Variants in DNAH8 observed in about 807,000 individuals in gnomAD.
The protein encoded by DNAH8 is axonemal beta dynein heavy chain 8.
A neutral mutation model predicts 562.1 loss-of-function variants in DNAH8; 382 were observed. The ratio of observed to expected loss-of-function variants is 0.68; its 90% CI spans 0.63 to 0.74. DNAH8 has a LOEUF of 0.74. DNAH8 is among the 30% of genes least tolerant of loss of function. DNAH8 has a pLI of 0.00. For synonymous variants in DNAH8, 1,881 were observed against 1,919.4 expected, an observed-to-expected ratio of 0.98 and a Z score of 0.52; for missense variants, 5,203 against 5,620.4, an observed-to-expected ratio of 0.93 and a Z score of 2.37.
At chr6:38,971,827 G>T (rs893535516) in intron 83 of DNAH8, 162 bp downstream of exon 83, 4 of 468,240 alleles carry the variant, frequency 8.5e-6, no homozygotes, top group African/African-American at 2.0e-5. Context: ...CCTGATATTC[G>T]CATGGAAAGC....
intron 40 of DNAH8, among the ~76,000 whole-genome samples, 188 bp downstream of exon 40, chr6:38,852,986 T>C (rs950722807): frequency 6.6e-6 from 1 of 152,186 alleles, no homozygotes; most frequent in Admixed American, 6.5e-5. Flanking sequence ...ATTTATGAAG[T>C]GAAAGTTTTG....
At chr6:38,857,085 C>T (rs1583197079) in intron 41 of DNAH8, among the ~76,000 whole-genome samples, 1 of 152,056 alleles carries the variant, frequency 6.6e-6, no homozygotes, top group African/African-American at 2.4e-5. Flanking sequence ...ACGTGGATAT[C>T]AGAGAGAGGG....
intron 57 of DNAH8, among the ~76,000 whole-genome samples, chr6:38,890,386 G>A (rs922203709): frequency 6.6e-6 from 1 of 152,140 alleles, no homozygotes; most frequent in African/African-American, 2.4e-5. Context: ...GTTAAAATGG[G>A]ACTAGTAATA....
At chr6:38,830,386 G>T (rs1438014158) in intron 30 of DNAH8, among the ~76,000 whole-genome samples, 1 of 151,944 alleles carries the variant, frequency 6.6e-6, no homozygotes, top group Non-Finnish European at 1.5e-5. Context: ...TGTAATCCCA[G>T]CACTTTGGGA....
At chr6:38,782,928 T>G in intron 16 of DNAH8, 76 bp from the exon 17 acceptor site, 1 of 1,315,938 alleles carries the variant, frequency 7.6e-7, no homozygotes, top group South Asian at 1.3e-5. Context: ...TCATTTTACA[T>G]ATAAGTACTT....
chr6:38,826,343 C>T lies in DNAH8; in HGVS notation c.4035C>T (p.Cys1345=), dbSNP rs781714627. ...DVRFAMEALS[C]IRDNEIQMDM... ...GATTTGCAATGGAAGCCTTGTCTTG[C>T]ATACGTGATAATGAAATTCAAATGG... The change falls in exon 29 of 93, where the codon TGC becomes TGT. Residue 1345 remains cysteine (C), a synonymous_variant. Coordinates refer to ENST00000327475, the MANE Select transcript of DNAH8 (RefSeq NM_001206927.2). 1 of 1,612,406 alleles carries T rather than the reference C, an allele frequency of 6.2e-7. No individual in the cohort carries two copies. The highest frequency in any genetic ancestry group is 8.5e-7 in the Non-Finnish European group (1 of 1,179,306).
At chr6:38,828,517 C>G (rs1221593653) in intron 30 of DNAH8, among the ~76,000 whole-genome samples, 1 of 152,134 alleles carries the variant, frequency 6.6e-6, no homozygotes, top group Non-Finnish European at 1.5e-5. Context: ...CTAGAATTGC[C>G]TTCAGCATTC....
At chr6:38,747,384 CTTTTTTTTTT>C (rs55729629) in intron 8 of DNAH8, among the ~76,000 whole-genome samples, 12 of 113,762 alleles carry the variant, frequency 1.1e-4, no homozygotes, top group African/African-American at 3.6e-4. Flanking sequence ...TTTTCTTTTT[CTTTTTTTTTT>C]TTTTTTTTTT....
chr6:38,960,035 A>C (rs1435201683), intron 82 of DNAH8, among the ~76,000 whole-genome samples: 1 of 152,102 alleles, frequency 6.6e-6, no homozygotes, highest in East Asian at 1.9e-4. Context: ...CTTTTCAATA[A>C]ATGGTGTTGG....
intron 16 of DNAH8, among the ~76,000 whole-genome samples, chr6:38,782,604 T>G (rs1768742893): frequency 6.6e-6 from 1 of 152,232 alleles, no homozygotes. Context: ...TTTTATCGTT[T>G]GATACATGGT....
intron 42 of DNAH8, among the ~76,000 whole-genome samples, chr6:38,858,463 A>G (rs952434794): frequency 3.9e-5 from 6 of 152,152 alleles, no homozygotes; most frequent in African/African-American, 1.2e-4. Context: ...GTTTGTATTT[A>G]TTGAAGATTA....
chr6:38,890,678 C>G lies in DNAH8; in HGVS notation c.8500C>G (p.Pro2834Ala). The G allele has an allele frequency of 6.2e-7, 1 of 1,612,958 alleles. No individual in the cohort carries two copies. The highest frequency in any genetic ancestry group is 2.2e-5 in the East Asian group (1 of 44,840). Residue 2834 changes from proline (P) to alanine (A), a missense_variant, in exon 58 of 93, where the codon CCT (proline) becomes GCT (alanine). This residue lies in a region of DNAH8 where 977 missense variants were observed against 1,061.8 expected (regional missense o/e 0.92). Coordinates refer to ENST00000327475, the MANE Select transcript of DNAH8 (RefSeq NM_001206927.2). ...FGIIGCGYFDPCRSFKPQICE... is the reference protein window; with the variant it reads ...FGIIGCGYFDACRSFKPQICE... ...AATTATTGGATGTGGATACTTTGAT[C>G]CTTGTAGAAGTTTCAAGCCTCAAAT...
intron 1 of DNAH8, among the ~76,000 whole-genome samples, chr6:38,717,332 T>A (rs943235480): frequency 6.6e-6 from 1 of 152,114 alleles, no homozygotes; most frequent in Non-Finnish European, 1.5e-5. Flanking sequence ...GTCTTATTTA[T>A]TTATTTTTTA....
At chr6:38,832,922 G>C (rs1380461173) in intron 31 of DNAH8, among the ~76,000 whole-genome samples, 1 of 152,084 alleles carries the variant, frequency 6.6e-6, no homozygotes, top group African/African-American at 2.4e-5. Context: ...TTTCTCGGGG[G>C]CTGAATTCTC....
intron 9 of DNAH8, among the ~76,000 whole-genome samples, chr6:38,751,987 A>T (rs1426530390): frequency 6.6e-6 from 1 of 152,194 alleles, no homozygotes; most frequent in African/African-American, 2.4e-5. Context: ...CTCTATGCAC[A>T]ATGACCCTCA....
chr6:38,947,870 C>G (rs1297571941), intron 80 of DNAH8, among the ~76,000 whole-genome samples: 12 of 151,996 alleles, frequency 7.9e-5, no homozygotes. Context: ...GTCTCAGTCT[C>G]CTGAGTAGCT....
chr6:38,872,427 GT>G, intron 49 of DNAH8, 108 bp from the exon 50 acceptor site: 7 of 1,217,678 alleles, frequency 5.7e-6, no homozygotes, highest in East Asian at 2.4e-5. Flanking sequence ...TAGTGAACTA[GT>G]TACGTTAATG....
intron 18 of DNAH8, among the ~76,000 whole-genome samples, chr6:38,789,402 A>G (rs1769485390): frequency 1.3e-5 from 2 of 152,232 alleles, no homozygotes; most frequent in Non-Finnish European, 2.9e-5. Flanking sequence ...TTTGTGTGGA[A>G]AAGCTAAATT....
rs1777402555 is a variant in DNAH8, at chr6:38,870,681, T to C, written c.6990+119T>C. The stretch of plus-strand genomic sequence containing the variant: ...GTAAATGTTAAATGAAAACATCATA[T>C]ATACATCATTGCAAAAAGAATACTT... On this transcript the variant is annotated intron_variant, in intron 49 of 92. Transcript: ENST00000327475. 6.1e-6 allele frequency: 6 copies of C among 984,602 alleles called. No individual in the cohort carries two copies. In the South Asian group the frequency reaches 6.3e-5, roughly 10 times the overall value. 61.0% of individuals were successfully genotyped at this position (984,602 alleles called of 1,614,324 possible).
Sources: allele counts gnomAD v4.1 joint callset (sites outside exome capture counted in the v4.1 genomes callset), GRCh38; gene constraint gnomAD v4.1.1; regional missense constraint gnomAD v4.1.1; transcripts MANE v1.5; gene names NCBI Gene and HGNC (gene_info 2026-07-23, HGNC 2026-07-21).